The following USP29 variants were observed in gnomAD, a reference collection of about 807,000 sequenced individuals.
USP29 encodes ubiquitin carboxyl-terminal hydrolase 29.
For missense variants in USP29, 1,102 were observed against 1,069.0 expected, an observed-to-expected ratio of 1.03 and a Z score of -0.43; for synonymous variants, 386 against 387.4, an observed-to-expected ratio of 1.00 and a Z score of 0.04.
chr19:57,119,504 C>G (rs1009821414), upstream of USP29, among the ~76,000 whole-genome samples: 70 of 152,168 alleles, frequency 4.6e-4, no homozygotes, highest in African/African-American at 1.7e-3. Context: ...CTCACTGCAA[C>G]CTCCGCCTCC....
chr19:57,120,838 C>T (rs924181632), intron 1 of USP29, among the ~76,000 whole-genome samples: 1 of 146,972 alleles, frequency 6.8e-6, no homozygotes, highest in Non-Finnish European at 1.5e-5. Flanking sequence ...GGCACGGTGG[C>T]TCACTCCTGT....
At chr19:57,120,805 A>AAAAAAAAAAAAAAAAAAG (rs1342984778) in intron 1 of USP29, among the ~76,000 whole-genome samples, 2 of 148,270 alleles carry the variant, frequency 1.3e-5, no homozygotes, top group Non-Finnish European at 3.0e-5. Context: ...AAAAAAAAAA[A>AAAAAAAAAAAAAAAAAAG]AAAAAAAACA....
In USP29 at chr19:57,121,882, G is replaced by A. The variant is rs770892241; in HGVS notation, c.-267-443G>A. Among the ~76,000 whole-genome samples the A allele has an allele frequency of 3.2e-4, 48 of 151,856 alleles. 2 individuals carry two copies. Among genetic ancestry groups the A allele is most frequent in the South Asian group, 6.2e-4 (3 of 4,820 alleles). On this transcript the variant is annotated intron_variant, in intron 1 of 3. Transcript: ENST00000254181. ...TAATCCCAGCACTTTGGGAGGCTGA[G>A]GCGGGTGGATTACTGGAGGTCAGGA...
rs138013389 is a variant in USP29 at position 57,120,203 on chromosome 19, G to A, written c.-294G>A. On this transcript the variant is annotated 5_prime_UTR_variant, in exon 1 of 4. Transcript: ENST00000254181. ...AGGCGGGAGGATCGCTTGTGCCCAG[G>A]AGTTGGAGACCAGCCTGGGCAACAT... is the stretch of plus-strand genomic sequence containing the variant. 2.0e-5 allele frequency: 3 copies of A among 152,568 alleles called. No individual in the cohort carries two copies. The highest frequency in any genetic ancestry group is 2.9e-5 in the Non-Finnish European group (2 of 68,568). 9.5% of individuals were successfully genotyped at this position (152,568 alleles called of 1,614,324 possible).
Position 57,130,227 on chromosome 19 carries a change from A to G in USP29, c.1552A>G (p.Asn518Asp). The change falls in exon 4 of 4, where the codon AAT (asparagine) becomes GAT (aspartate). Residue 518 changes from asparagine (N) to aspartate (D), a missense_variant. Transcript: ENST00000254181. ...TCATCTGAAACGCTATAGCTTCAAC[A>G]ATGCTTGGTTGCTGGTGAAGAATAA... Reference protein sequence around the residue: ...IIHLKRYSFNNAWLLVKNNEQ... With the variant: ...IIHLKRYSFNDAWLLVKNNEQ... The G allele has an allele frequency of 6.2e-7, 1 of 1,614,162 alleles. No individual in the cohort carries two copies. The highest frequency in any genetic ancestry group is 8.5e-7 in the Non-Finnish European group (1 of 1,180,030).
chr19:57,121,422 T>C (rs1302288874), intron 1 of USP29, among the ~76,000 whole-genome samples: 2 of 122,942 alleles, frequency 1.6e-5, no homozygotes, highest in Non-Finnish European at 3.9e-5. Flanking sequence ...TTATATGTTA[T>C]ATATACTTAT....
intron 3 of USP29, among the ~76,000 whole-genome samples, chr19:57,127,788 G>A (rs1056051877): frequency 1.3e-5 from 2 of 152,040 alleles, no homozygotes; most frequent in African/African-American, 4.8e-5. Flanking sequence ...GGAGTGAATG[G>A]TTCTGTCTCA....
intron 3 of USP29, among the ~76,000 whole-genome samples, chr19:57,127,048 A>G (rs572881604): frequency 6.6e-6 from 1 of 152,196 alleles, no homozygotes; most frequent in East Asian, 1.9e-4. Context: ...CTGGAGGTCC[A>G]CTCCAGACCC....
upstream of USP29, among the ~76,000 whole-genome samples, chr19:57,119,868 C>G (rs2086784278): frequency 6.6e-6 from 1 of 152,206 alleles, no homozygotes; most frequent in Non-Finnish European, 1.5e-5. Context: ...CCGTTACGCC[C>G]CACCAGCTCT....
In USP29 at chr19:57,128,808, G is replaced by A. The variant is rs1367460327; in HGVS notation, c.133G>A (p.Gly45Arg). The A allele has an allele frequency of 7.6e-5, 123 of 1,613,852 alleles. No individual in the cohort carries two copies. The highest frequency in any genetic ancestry group is 1.0e-4 in the Non-Finnish European group (120 of 1,179,990). Residue 45 changes from glycine to arginine, a missense_variant, in exon 4 of 4, where the codon GGA becomes AGA. Coordinates refer to ENST00000254181, the MANE Select transcript of USP29 (RefSeq NM_020903.3). ...EIKLVVTFKS[G>R]KFIRIFQLSN... ...TAAACTGGTGGTCACTTTCAAATCTGGAAAATTTATAAGAATTTTTCAGCT... is the reference window on the plus strand; with the variant it reads ...TAAACTGGTGGTCACTTTCAAATCTAGAAAATTTATAAGAATTTTTCAGCT...
At chr19:57,122,931 A>G (rs908355863) in intron 2 of USP29, among the ~76,000 whole-genome samples, 6 of 152,126 alleles carry the variant, frequency 3.9e-5, no homozygotes, top group Non-Finnish European at 8.8e-5. Flanking sequence ...GATGAAATGG[A>G]GGGGCTTTTC....
rs866744685 is a variant in USP29, at chr19:57,129,018, G to A, written c.343G>A (p.Asp115Asn). The change falls in exon 4 of 4, where the codon GAT (aspartate) becomes AAT (asparagine). Residue 115 changes from aspartate (D) to asparagine (N), a missense_variant. By Grantham distance (23) the Asp-to-Asn change is conservative (BLOSUM62 1). Transcript: ENST00000254181. Reference protein sequence around the residue: ...NKSQQPMKSDDDWSVFESRNM... With the variant: ...NKSQQPMKSDNDWSVFESRNM... The stretch of plus-strand genomic sequence containing the variant: ...ATCTCAGCAACCCATGAAATCTGAT[G>A]ATGATTGGAGTGTGTTTGAAAGCAG... The A allele has an allele frequency of 2.5e-6, 4 of 1,614,066 alleles. No individual in the cohort carries two copies.
Position 57,129,960 on chromosome 19 carries a change from G to C in USP29, c.1285G>C (p.Glu429Gln), listed in dbSNP as rs2086846939. ...VFVCPVVANF[E>Q]FELQLSLICK... Reference sequence around the variant, plus strand: ...TGTTTGCCCTGTTGTTGCTAATTTTGAGTTTGAATTGCAGCTCTCCCTTAT... The same window carrying C: ...TGTTTGCCCTGTTGTTGCTAATTTTCAGTTTGAATTGCAGCTCTCCCTTAT... Residue 429 changes from glutamate to glutamine, a missense_variant, in exon 4 of 4, where the codon GAG (glutamate) becomes CAG (glutamine). Transcript: ENST00000254181. 1 of 1,614,050 alleles carries C rather than the reference G, an allele frequency of 6.2e-7. No individual in the cohort carries two copies. The highest frequency in any genetic ancestry group is 1.1e-5 in the South Asian group (1 of 91,088).
rs1568456892 is a variant in USP29, at chr19:57,131,289, G to A, written c.2614G>A (p.Ala872Thr). The change falls in exon 4 of 4, where the codon GCG (alanine) becomes ACG (threonine). Residue 872 changes from alanine (A) to threonine (T), a missense_variant. Ala to Thr is a moderately conservative substitution (Grantham distance 58). Coordinates refer to ENST00000254181, the MANE Select transcript of USP29 (RefSeq NM_020903.3). ...SEISETKMQE[A>T]RLHSGYIFFY... is the part of the protein sequence containing the mutation. ...AATCTCAGAGACCAAAATGCAGGAG[G>A]CGAGGCTTCACTCTGGGTATATCTT... is the stretch of plus-strand genomic sequence containing the variant. 2 of 1,614,186 alleles carry A rather than the reference G, an allele frequency of 1.2e-6. No individual in the cohort carries two copies. Among genetic ancestry groups the A allele is most frequent in the East Asian group, 2.2e-5 (1 of 44,882 alleles).
In USP29 at chr19:57,130,673, A is replaced by C; in HGVS notation, c.1998A>C (p.Gly666=). The C allele has an allele frequency of 6.2e-7, 1 of 1,614,180 alleles. No individual in the cohort carries two copies. The highest frequency in any genetic ancestry group is 8.5e-7 in the Non-Finnish European group (1 of 1,180,038). Residue 666 remains glycine, a synonymous_variant, in exon 4 of 4, where the codon GGA becomes GGC. Coordinates refer to ENST00000254181, the MANE Select transcript of USP29 (RefSeq NM_020903.3). The part of the protein sequence containing the change: ...DISLPVMYED[G]GKLISSPDTR... ...CTCTTCCTGTGATGTATGAAGATGG[A>C]GGGAAGCTGATCAGCAGCCCAGACA... is the stretch of plus-strand genomic sequence containing the variant.
chr19:57,128,595 T>C (rs1417656125), intron 3 of USP29, 65 bp from the exon 4 acceptor site: 1 of 1,425,220 alleles, frequency 7.0e-7, no homozygotes, highest in Non-Finnish European at 9.3e-7. Context: ...GTGGATGAGG[T>C]TTTTCATAAA....
rs907075674 is a variant in USP29 at position 57,122,443 on chromosome 19, T to C, written c.-149T>C. ...GATCTCATTTCTGAAAAAAGAATTA[T>C]CATCCACTCACCCAGAACAGCTCTC... On this transcript the variant is annotated 5_prime_UTR_variant, in exon 2 of 4. Transcript: ENST00000254181. The C allele has an allele frequency of 6.6e-6, 1 of 151,902 alleles. No individual in the cohort carries two copies. The highest frequency in any genetic ancestry group is 2.4e-5 in the African/African-American group (1 of 41,330). 9.4% of individuals were successfully genotyped at this position (151,902 alleles called of 1,614,324 possible). A position where few individuals can be genotyped will look rare whatever the true frequency, so the allele number is the denominator to read the frequency against.
intron 3 of USP29, among the ~76,000 whole-genome samples, chr19:57,126,228 A>G (rs751517181): frequency 2.6e-5 from 4 of 152,012 alleles, no homozygotes; most frequent in Non-Finnish European, 5.9e-5. Context: ...TCTGACGATT[A>G]TGTGTCTTGG....
chr19:57,128,688 A>G lies in USP29; in HGVS notation c.13A>G (p.Lys5Glu). 6.3e-7 allele frequency: 1 copy of G among 1,588,360 alleles called. No homozygotes were observed. Among genetic ancestry groups the G allele is most frequent in the Non-Finnish European group, 8.5e-7 (1 of 1,171,950 alleles). Residue 5 changes from lysine (K) to glutamate (E), a missense_variant, in exon 4 of 4, where the codon AAG becomes GAG. Physicochemically the swap from Lys to Glu is moderately conservative, Grantham distance 56. Transcript: ENST00000254181. Reference protein sequence around the residue: MISLKVCGFIQIWSQ... With the variant: MISLEVCGFIQIWSQ... ...ACATAAAGAAAGGATGATATCTCTAAAGGTATGTGGATTCATCCAAATTTG... is the reference window on the plus strand; with the variant it reads ...ACATAAAGAAAGGATGATATCTCTAGAGGTATGTGGATTCATCCAAATTTG...
Sources: allele counts gnomAD v4.1 joint callset (sites outside exome capture counted in the v4.1 genomes callset), GRCh38; gene constraint gnomAD v4.1.1; transcripts MANE v1.5; gene names NCBI Gene and HGNC (gene_info 2026-07-23, HGNC 2026-07-21).